The following TRANK1 variants were observed in gnomAD, a reference collection of about 807,000 sequenced individuals.
TRANK1 encodes TPR and ankyrin repeat-containing protein 1.
Under a neutral mutation model 266.0 loss-of-function variants are expected in TRANK1, and 198 were observed. The ratio of observed to expected loss-of-function variants is 0.74; its 90% CI spans 0.66 to 0.84. TRANK1 has a LOEUF of 0.84. TRANK1 is among the 40% of genes least tolerant of loss of function. The probability of loss-of-function intolerance (pLI) is 0.00; values close to 1 mark genes in which losing one functional copy is unlikely to be tolerated. For synonymous variants in TRANK1, 1,396 were observed against 1,384.1 expected (o/e 1.01, Z -0.19); for missense variants, 3,326 against 3,634.6 (o/e 0.92, Z 2.18).
intron 1 of TRANK1, among the ~76,000 whole-genome samples, chr3:36,915,919 G>T (rs925872589): frequency 6.6e-6 from 1 of 152,194 alleles, no homozygotes; most frequent in African/African-American, 2.4e-5. Context: ...AGAACTGTCA[G>T]GTGAGTAGGA....
rs2080237561 is a variant in TRANK1 at position 36,923,031 on chromosome 3, A to T, written c.24-14577T>A. Among the ~76,000 whole-genome samples, 3 of 152,134 alleles carry T rather than the reference A, an allele frequency of 2.0e-5. No homozygotes were observed. In the South Asian group the frequency reaches 6.2e-4, roughly 32 times the overall value. ...ATAACTTACAATCTTCCATTGCCCA[A>T]CTATCACCAGACACCTGCAAGTTAG... On this transcript the variant is annotated intron_variant, in intron 1 of 23. Transcript: ENST00000645898.
intron 17 of TRANK1, among the ~76,000 whole-genome samples, chr3:36,844,407 A>T (rs939307179): frequency 1.3e-5 from 2 of 152,096 alleles, no homozygotes; most frequent in African/African-American, 4.8e-5. Context: ...TTGTATTTTT[A>T]GTAGAGATGG....
intron 11 of TRANK1, among the ~76,000 whole-genome samples, chr3:36,859,983 T>G (rs1472985036): frequency 6.6e-6 from 1 of 152,212 alleles, no homozygotes; most frequent in Non-Finnish European, 1.5e-5. Flanking sequence ...ACACAATGTC[T>G]TGTGTGTTAC....
chr3:36,855,922 T>C lies in TRANK1; in HGVS notation c.3800A>G (p.Asp1267Gly), dbSNP rs759624580. The C allele has an allele frequency of 6.2e-6, 10 of 1,613,606 alleles. No homozygotes were observed. Among genetic ancestry groups the C allele is most frequent in the Non-Finnish European group, 8.5e-6 (10 of 1,179,838 alleles). ...TATGATGGTTCTTTTCAAGCTTCCA[T>C]CTTCGTTTCTCAGAAAAAATGGTTT... is the stretch of plus-strand genomic sequence containing the variant. The part of the protein sequence containing the change: ...LPKPFFLRNE[D>G]GSLKRTIIGW... The change falls in exon 13 of 24, where the codon GAT becomes GGT. Residue 1267 changes from aspartate (D) to glycine (G), a missense_variant. Coordinates refer to ENST00000645898, the MANE Select transcript of TRANK1 (RefSeq NM_001329998.2).
At chr3:36,862,803 G>A (rs929026960) in intron 10 of TRANK1, among the ~76,000 whole-genome samples, 15 of 152,174 alleles carry the variant, frequency 9.9e-5, no homozygotes, top group African/African-American at 3.4e-4. Flanking sequence ...CTAGCAGAGA[G>A]CTCAGTTGAA....
chr3:36,915,831 G>A (rs1006968829), intron 1 of TRANK1, among the ~76,000 whole-genome samples: 3 of 152,192 alleles, frequency 2.0e-5, no homozygotes, highest in East Asian at 1.9e-4. Context: ...AATAGTGAGC[G>A]GTTAGCCCAG....
rs2078724744 is a variant in TRANK1 at position 36,833,402 on chromosome 3, C to T, written c.6181G>A (p.Gly2061Arg). ...GCTTCGTAGAGTGCTTCCACCACTCCAGCTGAGTGGTTGAGCGTGTCAAAC... is the reference window on the plus strand; with the variant it reads ...GCTTCGTAGAGTGCTTCCACCACTCTAGCTGAGTGGTTGAGCGTGTCAAAC... ...FKFDTLNHSA[G>R]VVEALYEAAS... The change falls in exon 22 of 24, where the codon GGA (glycine) becomes AGA (arginine). Residue 2061 changes from glycine to arginine, a missense_variant. By Grantham distance (125) the Gly-to-Arg change is moderately radical. Coordinates refer to ENST00000645898, the MANE Select transcript of TRANK1 (RefSeq NM_001329998.2). The T allele has an allele frequency of 1.9e-6, 3 of 1,613,870 alleles. No individual in the cohort carries two copies. The East Asian group carries it at 6.7e-5, about 36-fold the overall frequency.
In TRANK1 at chr3:36,856,494, C is replaced by G. The variant is rs1427052761; in HGVS notation, c.3228G>C (p.Gly1076=). ...AGGTTGTCTTCCCAGTGCCACTTCG[C>G]CCAATAAGGATGATGGGCTCCAGTG... ...PRPLEPIILI[G]RSGTGKTTCC... The change falls in exon 13 of 24, where the codon GGG becomes GGC. Residue 1076 remains glycine (G), a synonymous_variant. Transcript: ENST00000645898. 1 of 1,613,884 alleles carries G rather than the reference C, an allele frequency of 6.2e-7. No individual in the cohort carries two copies. The highest frequency in any genetic ancestry group is 1.3e-5 in the African/African-American group (1 of 74,908).
At chr3:36,846,922 A>T (rs1267753776) in intron 16 of TRANK1, among the ~76,000 whole-genome samples, 1 of 152,214 alleles carries the variant, frequency 6.6e-6, no homozygotes, top group Admixed American at 6.5e-5. Flanking sequence ...ATTGCATCAA[A>T]ATTTCTGAAC....
chr3:36,915,315 A>C (rs955652077), intron 1 of TRANK1, among the ~76,000 whole-genome samples: 1 of 152,222 alleles, frequency 6.6e-6, no homozygotes, highest in Admixed American at 6.5e-5. Context: ...GTTTTGATGC[A>C]TATAATGTAT....
In TRANK1 at chr3:36,832,034, T is replaced by C. The variant is rs778894390; in HGVS notation, c.7549A>G (p.Arg2517Gly). The change falls in exon 22 of 24, where the codon AGA (arginine) becomes GGA (glycine). Residue 2517 changes from arginine to glycine, a missense_variant. Physicochemically the swap from Arg to Gly is moderately radical, Grantham distance 125. Coordinates refer to ENST00000645898, the MANE Select transcript of TRANK1 (RefSeq NM_001329998.2). ...TGGAACCGGAAATCCTGAATGGCTC[T>C]TGTCACGTCCTTGGGTTTGTATTCC... ...IQEYKPKDVT[R>G]AIQDFRFHLS... 12 of 1,614,044 alleles carry C rather than the reference T, an allele frequency of 7.4e-6. No individual in the cohort carries two copies. The Admixed American group carries it at 2.0e-4, about 27-fold the overall frequency.
At chr3:36,899,016 C>T (rs2079835888) in intron 4 of TRANK1, 93 bp downstream of exon 4, 3 of 1,360,274 alleles carry the variant, frequency 2.2e-6, no homozygotes, top group African/African-American at 2.9e-5. Flanking sequence ...AAAGAAACAC[C>T]CAGAAAGTAT....
chr3:36,856,871 G>A lies in TRANK1; in HGVS notation c.2851C>T (p.Leu951=). The A allele has an allele frequency of 1.2e-6, 2 of 1,614,048 alleles. No homozygotes were observed. Among genetic ancestry groups the A allele is most frequent in the Non-Finnish European group, 1.7e-6 (2 of 1,179,902 alleles). ...IWDIVLDHCK[L]ADSIKAICNA... is the part of the protein sequence containing the mutation. ...CAGATGGCCTTGATGGAATCAGCCA[G>A]TTTGCAGTGATCTAAGACGATGTCC... is the stretch of plus-strand genomic sequence containing the variant. The change falls in exon 13 of 24, where the codon CTG becomes TTG. Residue 951 remains leucine, a synonymous_variant. Transcript: ENST00000645898.
intron 8 of TRANK1, among the ~76,000 whole-genome samples, chr3:36,875,906 TG>T (rs1443084137): frequency 6.6e-6 from 1 of 152,232 alleles, no homozygotes; most frequent in African/African-American, 2.4e-5. Flanking sequence ...ACAGAAATGT[TG>T]GGAGGACGTC....
Position 36,829,624 on chromosome 3 carries a change from G to A in TRANK1, c.8749C>T (p.Leu2917=). The A allele has an allele frequency of 6.2e-7, 1 of 1,613,978 alleles. No homozygotes were observed. Among genetic ancestry groups the A allele is most frequent in the South Asian group, 1.1e-5 (1 of 91,076 alleles). The change falls in exon 23 of 24, where the codon CTG becomes TTG. Residue 2917 remains leucine, a synonymous_variant. Coordinates refer to ENST00000645898, the MANE Select transcript of TRANK1 (RefSeq NM_001329998.2). ...AMTRLVNILI[L]SVRDARDWLM... is the part of the protein sequence containing the mutation. ...CAGTCTCGTGCATCCCTGACTGACA[G>A]GATCAGAATGTTGACCAGCCGAGTC...
Position 36,861,101 on chromosome 3 carries a change from A to G in TRANK1, c.1300T>C (p.Phe434Leu), listed in dbSNP as rs1378324617. 1.3e-6 allele frequency: 2 copies of G among 1,537,574 alleles called. No individual in the cohort carries two copies. Among genetic ancestry groups the G allele is most frequent in the East Asian group, 4.9e-5 (2 of 40,928 alleles). ...NQDCATTVFK[F>L]LLEKQRWPEV... ...GGCCATCTCTGTTTTTCCAATAAGAATTTGAAGACGGTGGTGGCACAGTCT... is the reference window on the plus strand; with the variant it reads ...GGCCATCTCTGTTTTTCCAATAAGAGTTTGAAGACGGTGGTGGCACAGTCT... Residue 434 changes from phenylalanine to leucine, a missense_variant, in exon 11 of 24, where the codon TTC becomes CTC. By Grantham distance (22) the Phe-to-Leu change is conservative. Coordinates refer to ENST00000645898, the MANE Select transcript of TRANK1 (RefSeq NM_001329998.2).
At chr3:36,829,423 C>G in intron 23 of TRANK1, 141 bp downstream of exon 23, 1 of 706,218 alleles carries the variant, frequency 1.4e-6, no homozygotes, top group Non-Finnish European at 2.4e-6. Context: ...ATTTGAGTCA[C>G]TGGAGGTGAT....
intron 5 of TRANK1, among the ~76,000 whole-genome samples, chr3:36,894,053 G>A (rs2079751480): frequency 6.6e-6 from 1 of 152,078 alleles, no homozygotes; most frequent in Non-Finnish European, 1.5e-5. Flanking sequence ...CATTCTAGTG[G>A]GCAGATTGCT....
chr3:36,879,667 T>TATAAATATATAAATATATAAATATAA (rs2079453668), intron 8 of TRANK1, among the ~76,000 whole-genome samples: 5 of 86,624 alleles, frequency 5.8e-5, no homozygotes, highest in Admixed American at 1.5e-4. Context: ...TATATAAATA[T>TATAAATATATAAATATATAAATATAA]ATATAAATAT....
Sources: gnomAD v4.1 joint callset for allele counts (sites outside exome capture counted in the v4.1 genomes callset) on GRCh38, gnomAD v4.1.1 for gene constraint, MANE v1.5 for transcripts, NCBI Gene and HGNC (gene_info 2026-07-23, HGNC 2026-07-21) for gene names.